Variants in UNC45B observed in about 807,000 individuals in gnomAD.
UNC45B encodes protein unc-45 homolog B.
UNC45B carries 78 observed loss-of-function variants against 98.7 expected under a neutral mutation model. That is an observed-to-expected ratio of 0.79 (90% CI 0.66 to 0.95). The LOEUF is 0.95. Among genes scored for constraint, UNC45B ranks in the 40% least tolerant of loss-of-function variants. The probability of loss-of-function intolerance (pLI) is 0.00; values close to 1 mark genes in which losing one functional copy is unlikely to be tolerated. For synonymous variants in UNC45B, 462 were observed against 480.4 expected, an observed-to-expected ratio of 0.96 and a Z score of 0.50; for missense variants, 1,225 against 1,184.9, an observed-to-expected ratio of 1.03 and a Z score of -0.50.
intron 8 of UNC45B, 86 bp downstream of exon 8, chr17:35,159,631 C>T: frequency 1.4e-6 from 2 of 1,440,036 alleles, no homozygotes. Flanking sequence ...ATGTGAGGCT[C>T]TTGAAGGGGT....
At chr17:35,154,892 T>C in intron 6 of UNC45B, 151 bp downstream of exon 6, 1 of 907,394 alleles carries the variant, frequency 1.1e-6, no homozygotes, top group Non-Finnish European at 1.6e-6. Context: ...CAGTTGGAAA[T>C]GGGTTTCACT....
intron 18 of UNC45B, 41 bp downstream of exon 18, chr17:35,180,717 G>A: frequency 6.6e-7 from 1 of 1,523,008 alleles, no homozygotes; most frequent in Non-Finnish European, 9.1e-7. Flanking sequence ...GCGTGATCAA[G>A]GCACGAGAGG....
At position 35,188,213 on chromosome 17, in the gene UNC45B, T is replaced by G. The variant is rs1460885391; in HGVS notation, c.*1654T>G. ...TATATTCATCATATCCTTATTATGA[T>G]AGAGAATGACAACATTCAAAAGGGT... is the stretch of plus-strand genomic sequence containing the variant. On this transcript the variant is annotated 3_prime_UTR_variant, in exon 20 of 20. Transcript: ENST00000394570. 2 of 152,266 alleles carry G rather than the reference T, an allele frequency of 1.3e-5. No individual in the cohort carries two copies. The highest frequency in any genetic ancestry group is 4.8e-5 in the African/African-American group (2 of 41,474). The allele number at this position is 152,266 out of a possible 1,614,324, so 9.4% of individuals were successfully genotyped here. A position where few individuals can be genotyped will look rare whatever the true frequency, so the allele number is the denominator to read the frequency against.
intron 5 of UNC45B, among the ~76,000 whole-genome samples, chr17:35,153,519 A>G (rs758552668): frequency 9.9e-5 from 15 of 151,780 alleles, no homozygotes; most frequent in Non-Finnish European, 1.8e-4. Context: ...GTGTTTCTGC[A>G]GGGGAAAAAA....
chr17:35,155,857 A>C (rs1462590052), intron 7 of UNC45B, among the ~76,000 whole-genome samples: 3 of 152,188 alleles, frequency 2.0e-5, no homozygotes, highest in Non-Finnish European at 4.4e-5. Flanking sequence ...GGCATGAGCC[A>C]CTACACCTGG....
At chr17:35,168,798 C>G (rs1049718950) in intron 10 of UNC45B, among the ~76,000 whole-genome samples, 1 of 152,170 alleles carries the variant, frequency 6.6e-6, no homozygotes, top group Non-Finnish European at 1.5e-5. Flanking sequence ...CCTCCGCCTC[C>G]CAGGTTCAGG....
chr17:35,169,833 T>G lies in UNC45B; in HGVS notation c.1453-4T>G. ...ATGTGTCTGCTGTCTCCTCTCCTCC[T>G]CAGGGACTCTGTAAGCTCGGCTCTG... On this transcript the variant is annotated splice_polypyrimidine_tract_variant and splice_region_variant and intron_variant, in intron 10 of 19. Coordinates refer to ENST00000394570, the MANE Select transcript of UNC45B (RefSeq NM_001267052.2). The G allele has an allele frequency of 6.2e-7, 1 of 1,614,002 alleles. No individual in the cohort carries two copies.
intron 13 of UNC45B, among the ~76,000 whole-genome samples, chr17:35,172,009 G>A (rs1353223412): frequency 6.6e-6 from 1 of 152,034 alleles, no homozygotes; most frequent in Non-Finnish European, 1.5e-5. Flanking sequence ...AATGATCAAA[G>A]TAATATAATC....
At chr17:35,168,582 C>T (rs548502294) in intron 10 of UNC45B, among the ~76,000 whole-genome samples, 1 of 152,286 alleles carries the variant, frequency 6.6e-6, no homozygotes, top group South Asian at 2.1e-4. Context: ...TGAGGACGTT[C>T]GTCTCCCTGC....
At chr17:35,149,874 C>G (rs547463516) in intron 3 of UNC45B, among the ~76,000 whole-genome samples, 174 bp from the exon 4 acceptor site, 1 of 152,206 alleles carries the variant, frequency 6.6e-6, no homozygotes, top group Non-Finnish European at 1.5e-5. Flanking sequence ...CTCTGTGGAT[C>G]TTACTGTCTC....
At chr17:35,185,014 G>A (rs1042407630) in intron 19 of UNC45B, among the ~76,000 whole-genome samples, 2 of 152,136 alleles carry the variant, frequency 1.3e-5, no homozygotes, top group South Asian at 2.1e-4. Context: ...CCCAGGGAGC[G>A]ATGGGCCCTG....
intron 6 of UNC45B, 96 bp from the exon 7 acceptor site, chr17:35,155,200 G>A (rs1225043574): frequency 6.8e-7 from 1 of 1,467,582 alleles, no homozygotes; most frequent in Non-Finnish European, 9.3e-7. Flanking sequence ...TACTGCATGG[G>A]ATAGGGTGGG....
At chr17:35,157,858 T>C (rs1012656756) in intron 7 of UNC45B, among the ~76,000 whole-genome samples, 2 of 152,200 alleles carry the variant, frequency 1.3e-5, no homozygotes, top group Non-Finnish European at 2.9e-5. Context: ...ATGTTGTTCT[T>C]ATTTGTCTAT....
intron 9 of UNC45B, among the ~76,000 whole-genome samples, chr17:35,167,615 CA>C (rs79485102): frequency 2.5e-3 from 295 of 118,920 alleles, no homozygotes; most frequent in Middle Eastern, 4.3e-3. Flanking sequence ...GACTCAGTCT[CA>C]AAAAAAAAAA....
Position 35,154,613 on chromosome 17 carries a change from G to C in UNC45B, c.511G>C (p.Gly171Arg), listed in dbSNP as rs751940611. ...NLIVLGREEA[G>R]AEKIFQNNGV... The stretch of plus-strand genomic sequence containing the variant: ...CATTGTCCTAGGCCGTGAGGAAGCA[G>C]GGGCTGAGAAGATCTTCCAGAACAA... Residue 171 changes from glycine to arginine, a missense_variant, in exon 6 of 20, where the codon GGG becomes CGG. Coordinates refer to ENST00000394570, the MANE Select transcript of UNC45B (RefSeq NM_001267052.2). 1.2e-6 allele frequency: 2 copies of C among 1,613,632 alleles called. No homozygotes were observed. The highest frequency in any genetic ancestry group is 4.5e-5 in the East Asian group (2 of 44,872).
chr17:35,186,633 A>G lies in UNC45B; in HGVS notation c.*74A>G, dbSNP rs1003485626. ...CTGGGTTGGTTGGGTTCTCCTGAAG[A>G]GTCAGGTCATCTAGGGATCATAGCA... On this transcript the variant is annotated 3_prime_UTR_variant, in exon 20 of 20. Transcript: ENST00000394570. The G allele has an allele frequency of 1.2e-5, 19 of 1,532,498 alleles. No homozygotes were observed. The African/African-American group carries it at 1.9e-4, about 15-fold the overall frequency. The allele number at this position is 1,532,498 out of a possible 1,614,324, so 94.9% of individuals were successfully genotyped here.
chr17:35,169,856 C>T lies in UNC45B; in HGVS notation c.1472C>T (p.Ser491Phe), dbSNP rs763740375. 11 of 1,614,078 alleles carry T rather than the reference C, an allele frequency of 6.8e-6. No individual in the cohort carries two copies. Among genetic ancestry groups the T allele is most frequent in the East Asian group, 2.2e-5 (1 of 44,906 alleles). Residue 491 changes from serine (S) to phenylalanine (F), a missense_variant, in exon 11 of 20, where the codon TCT becomes TTT. Coordinates refer to ENST00000394570, the MANE Select transcript of UNC45B (RefSeq NM_001267052.2). ...RTLVGLCKLGSAGGTDYGLRQ... is the reference protein window; with the variant it reads ...RTLVGLCKLGFAGGTDYGLRQ... Reference sequence around the variant, plus strand: ...CCTCAGGGACTCTGTAAGCTCGGCTCTGCAGGTGGCACAGACTACGGTCTC... The same window carrying T: ...CCTCAGGGACTCTGTAAGCTCGGCTTTGCAGGTGGCACAGACTACGGTCTC...
intron 17 of UNC45B, 130 bp from the exon 18 acceptor site, chr17:35,180,429 T>C (rs530850303): frequency 2.5e-5 from 18 of 706,162 alleles, no homozygotes; most frequent in South Asian, 2.1e-4. Context: ...TGATGCCACA[T>C]AAACCATGCT....
At chr17:35,179,706 A>G (rs1303885906) in intron 17 of UNC45B, among the ~76,000 whole-genome samples, 1 of 151,796 alleles carries the variant, frequency 6.6e-6, no homozygotes, top group Non-Finnish European at 1.5e-5. Flanking sequence ...AACAATGAGA[A>G]CACATGGACA....
Sources: allele counts gnomAD v4.1 joint callset (sites outside exome capture counted in the v4.1 genomes callset), GRCh38; gene constraint gnomAD v4.1.1; transcripts MANE v1.5; gene names NCBI Gene and HGNC (gene_info 2026-07-23, HGNC 2026-07-21).